PLXDC2: variants seen among roughly 807,000 people sequenced by gnomAD.
PLXDC2 encodes plexin domain containing 2.
A neutral mutation model predicts 68.9 loss-of-function variants in PLXDC2; 40 were observed. That is an observed-to-expected ratio of 0.58 (90% confidence interval 0.45 to 0.76). PLXDC2 has a LOEUF of 0.76. PLXDC2 is among the 30% of genes least tolerant of loss of function. The pLI, the probability that PLXDC2 is intolerant of heterozygous loss-of-function variation, is 0.00. For synonymous variants in PLXDC2, 243 were observed against 234.2 expected (o/e 1.04, Z -0.34); for missense variants, 644 against 661.9 (o/e 0.97, Z 0.30).
intron 4 of PLXDC2, among the ~76,000 whole-genome samples, chr10:20,068,708 A>G (rs1381301037): frequency 2.0e-5 from 3 of 150,244 alleles, no homozygotes; most frequent in Non-Finnish European, 4.4e-5. Context: ...AGCTTTGATC[A>G]TTTTTTTTCC....
chr10:20,052,844 A>G (rs1242184388), intron 3 of PLXDC2, among the ~76,000 whole-genome samples: 3 of 152,062 alleles, frequency 2.0e-5, no homozygotes, highest in Non-Finnish European at 1.5e-5. Context: ...GTGAGAAGGC[A>G]AGAATGTTGA....
intron 13 of PLXDC2, among the ~76,000 whole-genome samples, chr10:20,247,055 T>G (rs191931987): frequency 1.8e-3 from 281 of 152,256 alleles, no homozygotes; most frequent in Non-Finnish European, 3.1e-3. Context: ...CTTTATTCCC[T>G]TGGCTCCCTA....
chr10:20,168,406 C>T (rs1004025431), intron 7 of PLXDC2, among the ~76,000 whole-genome samples: 2 of 152,012 alleles, frequency 1.3e-5, no homozygotes, highest in African/African-American at 4.8e-5. Flanking sequence ...TAAAAAACAG[C>T]GATACTAACT....
chr10:20,082,013 C>T (rs1836567799), intron 4 of PLXDC2, among the ~76,000 whole-genome samples: 1 of 131,570 alleles, frequency 7.6e-6, no homozygotes, highest in Non-Finnish European at 1.5e-5. Flanking sequence ...CCATTGCACT[C>T]CAGCCTAAGT....
intron 1 of PLXDC2, among the ~76,000 whole-genome samples, chr10:19,865,673 C>G (rs1474690842): frequency 1.3e-5 from 2 of 152,142 alleles, no homozygotes; most frequent in Admixed American, 1.3e-4. Flanking sequence ...TGTTTCAGCC[C>G]TTGATCATCT....
chr10:19,865,888 A>C (rs1837405355), intron 1 of PLXDC2, among the ~76,000 whole-genome samples: 1 of 152,126 alleles, frequency 6.6e-6, no homozygotes, highest in African/African-American at 2.4e-5. Context: ...ATCCTCCCTC[A>C]ATTTCCTAAC....
intron 4 of PLXDC2, among the ~76,000 whole-genome samples, chr10:20,128,009 G>C (rs1410622004): frequency 6.6e-6 from 1 of 152,144 alleles, no homozygotes; most frequent in Non-Finnish European, 1.5e-5. Context: ...GGGTTATGTA[G>C]GCTCTGGTCA....
intron 13 of PLXDC2, among the ~76,000 whole-genome samples, chr10:20,274,661 C>T (rs1835982269): frequency 1.3e-5 from 2 of 152,158 alleles, no homozygotes; most frequent in African/African-American, 4.8e-5. Context: ...TTCTCAACCA[C>T]ACCAGAAGAC....
At chr10:20,183,194 A>G (rs1470653180) in intron 9 of PLXDC2, among the ~76,000 whole-genome samples, 5 of 151,900 alleles carry the variant, frequency 3.3e-5, no homozygotes, top group Non-Finnish European at 5.9e-5. Flanking sequence ...GATAGGGGAT[A>G]TGTAAGCCAG....
At chr10:20,046,071 C>A (rs1001451429) in intron 2 of PLXDC2, among the ~76,000 whole-genome samples, 1 of 152,050 alleles carries the variant, frequency 6.6e-6, no homozygotes, top group Non-Finnish European at 1.5e-5. Context: ...ATATTGTGTC[C>A]ATTTCTAGGA....
intron 1 of PLXDC2, among the ~76,000 whole-genome samples, chr10:19,878,722 T>C (rs1837677938): frequency 6.6e-6 from 1 of 152,358 alleles, no homozygotes; most frequent in African/African-American, 2.4e-5. Context: ...ACAACTTAAT[T>C]TGTTTTTATT....
intron 1 of PLXDC2, among the ~76,000 whole-genome samples, chr10:19,887,723 C>T (rs1837875373): frequency 6.6e-6 from 1 of 152,044 alleles, no homozygotes; most frequent in African/African-American, 2.4e-5. Context: ...AGAAATCACT[C>T]AAAATATCGA....
At position 19,855,048 on chromosome 10, in the gene PLXDC2, T is replaced by G. The variant is rs527734197; in HGVS notation, c.112+37857T>G. Among the ~76,000 whole-genome samples the G allele has an allele frequency of 7.2e-5, 11 of 152,360 alleles. No individual in the cohort carries two copies. The South Asian group carries it at 2.3e-3, about 32-fold the overall frequency. ...ATTCAACTGTGATGGGACTAAAATG[T>G]AAATTACTTCAGGGCAGGGATCTTT... On this transcript the variant is annotated intron_variant, in intron 1 of 13. Transcript: ENST00000377252.
chr10:20,061,045 T>A (rs531082737), intron 3 of PLXDC2, among the ~76,000 whole-genome samples: 2 of 152,182 alleles, frequency 1.3e-5, no homozygotes, highest in East Asian at 3.9e-4. Flanking sequence ...TGCAAAAAAT[T>A]TTTAAAGAGT....
At chr10:19,980,584 C>T (rs1025996378) in intron 1 of PLXDC2, among the ~76,000 whole-genome samples, 1 of 152,100 alleles carries the variant, frequency 6.6e-6, no homozygotes, top group Non-Finnish European at 1.5e-5. Context: ...TTGGGCCAGA[C>T]ATCTATGGAA....
At chr10:19,961,542 G>A (rs1399277333) in intron 1 of PLXDC2, among the ~76,000 whole-genome samples, 1 of 152,206 alleles carries the variant, frequency 6.6e-6, no homozygotes, top group Non-Finnish European at 1.5e-5. Context: ...GTTGTCTTAT[G>A]ACATGATCAG....
intron 1 of PLXDC2, among the ~76,000 whole-genome samples, chr10:19,972,740 G>A (rs1490721379): frequency 6.6e-6 from 1 of 152,196 alleles, no homozygotes; most frequent in Admixed American, 6.5e-5. Flanking sequence ...TTAAAATAGG[G>A]AAGAGTTATT....
intron 1 of PLXDC2, among the ~76,000 whole-genome samples, chr10:19,940,807 C>T (rs775418415): frequency 6.6e-6 from 1 of 152,020 alleles, no homozygotes; most frequent in South Asian, 2.1e-4. Context: ...ATTAATAATT[C>T]TTCTAATTGT....
intron 2 of PLXDC2, among the ~76,000 whole-genome samples, chr10:20,021,688 T>A (rs2131658364): frequency 6.6e-6 from 1 of 151,078 alleles, no homozygotes; most frequent in Non-Finnish European, 1.5e-5. Flanking sequence ...ATTATTTATT[T>A]ATTTATTTAT....
Sources: gnomAD v4.1 joint callset for allele counts (sites outside exome capture counted in the v4.1 genomes callset) on GRCh38, gnomAD v4.1.1 for gene constraint, MANE v1.5 for transcripts, NCBI Gene and HGNC (gene_info 2026-07-23, HGNC 2026-07-21) for gene names.